PKHD1: variants seen among roughly 807,000 people sequenced by gnomAD.
The protein encoded by PKHD1 is fibrocystin.
Under a neutral mutation model 412.0 loss-of-function variants are expected in PKHD1, and 291 were observed. The observed-to-expected ratio is 0.71, with a 90% CI of 0.64 to 0.78. The LOEUF is 0.78. Ranked by LOEUF, PKHD1 falls within the 30% of genes least tolerant of loss-of-function variation. The probability of loss-of-function intolerance (pLI) is 0.00; values close to 1 mark genes in which losing one functional copy is unlikely to be tolerated. For missense variants in PKHD1, 4,825 were observed against 4,950.7 expected (o/e 0.97, Z 0.76); for synonymous variants, 1,777 against 1,821.5 (o/e 0.98, Z 0.62).
intron 35 of PKHD1, among the ~76,000 whole-genome samples, chr6:51,987,371 T>C (rs1433555213): frequency 6.6e-6 from 1 of 152,194 alleles, no homozygotes; most frequent in Non-Finnish European, 1.5e-5. Flanking sequence ...GGACACTGCA[T>C]AAAAACCTTC....
chr6:52,074,127 GGTTA>G (rs1811026703), intron 6 of PKHD1, among the ~76,000 whole-genome samples: 1 of 152,170 alleles, frequency 6.6e-6, no homozygotes, highest in South Asian at 2.1e-4. Flanking sequence ...AAAGAATGTT[GGTTA>G]GTGAGATAAA....
chr6:51,985,398 T>C (rs1023566630), intron 35 of PKHD1, among the ~76,000 whole-genome samples: 1 of 152,162 alleles, frequency 6.6e-6, no homozygotes, highest in Non-Finnish European at 1.5e-5. Context: ...TTAAGAAATA[T>C]ACAACAACGA....
At position 52,022,822 on chromosome 6, in the gene PKHD1, A is replaced by G. The variant is rs747387428; in HGVS notation, c.5359T>C (p.Cys1787Arg). The change falls in exon 33 of 67, where the codon TGC becomes CGC. Residue 1787 changes from cysteine (C) to arginine (R), a missense_variant. Physicochemically the swap from Cys to Arg is radical, Grantham distance 180. Transcript: ENST00000371117. ...LANATVSAFS[C>R]LVLPLDVSLA... Reference sequence around the variant, plus strand: ...TCACCATCCAGGGGCAGAACCAAGCAGCTGAAGGCAGACACTGTAGCATTA... The same window carrying G: ...TCACCATCCAGGGGCAGAACCAAGCGGCTGAAGGCAGACACTGTAGCATTA... 6 of 1,614,022 alleles carry G rather than the reference A, an allele frequency of 3.7e-6. No homozygotes were observed. Among genetic ancestry groups the G allele is most frequent in the Non-Finnish European group, 5.1e-6 (6 of 1,180,030 alleles).
At position 51,896,915 on chromosome 6, in the gene PKHD1, G is replaced by A. The variant is rs565683896; in HGVS notation, c.6996+6682C>T. On this transcript the variant is annotated intron_variant, in intron 43 of 66. Transcript: ENST00000371117. The stretch of plus-strand genomic sequence containing the variant: ...ATCAACTGGAAGAAAGGGTATCAGC[G>A]ATGGAAGATGAAGTGAATGAAATGA... 1.0e-2 allele frequency among the ~76,000 whole-genome samples: 1,521 copies of A among 152,228 alleles called. 27 individuals are homozygous for A. Among genetic ancestry groups the A allele is most frequent in the African/African-American group, 0.034 (1,395 of 41,500 alleles).
chr6:51,822,142 C>T (rs1163004820), intron 52 of PKHD1, among the ~76,000 whole-genome samples: 1 of 152,182 alleles, frequency 6.6e-6, no homozygotes, highest in East Asian at 1.9e-4. Context: ...ACCAGGGACA[C>T]AACCTGGCTG....
intron 52 of PKHD1, among the ~76,000 whole-genome samples, chr6:51,802,864 A>C (rs1763148562): frequency 1.3e-5 from 2 of 151,042 alleles, no homozygotes; most frequent in African/African-American, 4.9e-5. Context: ...TTTCCTCGGT[A>C]TTATTGACTT....
intron 50 of PKHD1, among the ~76,000 whole-genome samples, chr6:51,841,190 A>G (rs1021141032): frequency 5.3e-5 from 8 of 152,188 alleles, no homozygotes; most frequent in Middle Eastern, 3.2e-3. Flanking sequence ...GCTCAGATTT[A>G]AAAAAAGAAA....
chr6:52,058,635 A>T, intron 15 of PKHD1, 34 bp from the exon 16 acceptor site: 1 of 1,605,942 alleles, frequency 6.2e-7, no homozygotes, highest in Non-Finnish European at 8.5e-7. Flanking sequence ...GATCAATACT[A>T]TGCAGCTTCC....
chr6:51,906,455 A>C, intron 40 of PKHD1, 115 bp from the exon 41 acceptor site: 2 of 825,978 alleles, frequency 2.4e-6, no homozygotes, highest in Non-Finnish European at 4.1e-6. Flanking sequence ...AATGAAACTC[A>C]GGAGATAAGA....
intron 52 of PKHD1, among the ~76,000 whole-genome samples, chr6:51,805,782 G>A (rs550262639): frequency 6.6e-6 from 1 of 152,252 alleles, no homozygotes; most frequent in African/African-American, 2.4e-5. Flanking sequence ...GGAGAATGGA[G>A]TAGATGAGGG....
At chr6:51,725,558 A>T (rs1215205559) in intron 60 of PKHD1, among the ~76,000 whole-genome samples, 1 of 152,206 alleles carries the variant, frequency 6.6e-6, no homozygotes, top group African/African-American at 2.4e-5. Flanking sequence ...AGTCCAAGAA[A>T]GAAAGAGACC....
chr6:52,012,039 A>G (rs970889859), intron 34 of PKHD1, among the ~76,000 whole-genome samples: 4 of 152,192 alleles, frequency 2.6e-5, no homozygotes, highest in Admixed American at 2.0e-4. Flanking sequence ...TGTTTGTTCA[A>G]ATGATTTTCT....
At chr6:51,959,833 T>C (rs1041509755) in intron 36 of PKHD1, 37 bp downstream of exon 36, 1 of 1,571,330 alleles carries the variant, frequency 6.4e-7, no homozygotes, top group Non-Finnish European at 8.8e-7. Flanking sequence ...GATATAATCA[T>C]ATAGAATAAT....
intron 35 of PKHD1, among the ~76,000 whole-genome samples, chr6:51,964,001 T>C (rs1792449697): frequency 1.3e-5 from 2 of 152,018 alleles, no homozygotes; most frequent in Admixed American, 1.3e-4. Context: ...AAAATAGAGA[T>C]ACAAGAATTG....
intron 36 of PKHD1, among the ~76,000 whole-genome samples, chr6:51,940,471 G>C (rs1268994251): frequency 6.6e-6 from 1 of 151,588 alleles, no homozygotes; most frequent in Non-Finnish European, 1.5e-5. Context: ...CTGGAAATCT[G>C]GCCACTGGGC....
chr6:52,010,270 A>C, intron 35 of PKHD1, 39 bp downstream of exon 35: 1 of 1,577,308 alleles, frequency 6.3e-7, no homozygotes, highest in African/African-American at 1.3e-5. Context: ...ATTTAATTTG[A>C]GCTGTTTGAA....
intron 27 of PKHD1, among the ~76,000 whole-genome samples, chr6:52,039,432 GCT>G (rs759510246): frequency 2.0e-5 from 3 of 152,020 alleles, no homozygotes; most frequent in Non-Finnish European, 2.9e-5. Flanking sequence ...ACCCCTCTTT[GCT>G]CTCTCTCTCC....
chr6:51,741,920 A>T (rs150658419), intron 60 of PKHD1, among the ~76,000 whole-genome samples: 95 of 152,322 alleles, frequency 6.2e-4, no homozygotes, highest in Middle Eastern at 6.8e-3. Flanking sequence ...AAGAAATGGG[A>T]TCCTCACCAA....
chr6:52,084,744 T>C, intron 2 of PKHD1, 138 bp downstream of exon 2: 1 of 736,016 alleles, frequency 1.4e-6, no homozygotes, highest in South Asian at 1.4e-5. Context: ...TATTTTTAAC[T>C]CAATTTTTTG....
Sources: allele counts gnomAD v4.1 joint callset (sites outside exome capture counted in the v4.1 genomes callset), GRCh38; gene constraint gnomAD v4.1.1; transcripts MANE v1.5; gene names NCBI Gene and HGNC (gene_info 2026-07-23, HGNC 2026-07-21).